The following CHIC1 variants were observed in gnomAD, a reference collection of about 807,000 sequenced individuals.
CHIC1 encodes the protein cysteine rich hydrophobic domain 1.
In CHIC1, 7 loss-of-function variants were observed where a neutral mutation model predicts 18.5. The ratio of observed to expected loss-of-function variants is 0.38; its 90% CI spans 0.22 to 0.71. The LOEUF (loss-of-function observed/expected upper bound fraction) is 0.71. Among genes scored for constraint, CHIC1 ranks in the 30% least tolerant of loss-of-function variants. The pLI, the probability that CHIC1 is intolerant of heterozygous loss-of-function variation, is 0.49. For synonymous variants in CHIC1, 77 were observed against 73.5 expected, an observed-to-expected ratio of 1.05 and a Z score of -0.25; for missense variants, 159 against 176.9, an observed-to-expected ratio of 0.90 and a Z score of 0.57.
At chrX:73,631,627 CA>C (rs59451523) in intron 3 of CHIC1, among the ~76,000 whole-genome samples, 5,022 of 96,683 alleles carry the variant, frequency 0.052, 317 homozygotes, top group African/African-American at 0.17. Context: ...GACTCCATCT[CA>C]AAAAAAAAAA....
In CHIC1 at chrX:73,670,564, C is replaced by T. The variant is rs750084505; in HGVS notation, c.508-8762C>T. On this transcript the variant is annotated intron_variant, in intron 3 of 5. Transcript: ENST00000373502. ...TGGTTGGTTCTTGCTTTTCTAGTTC[C>T]TTGAGGTGCATCATTATATTCTTTC... Among the ~76,000 whole-genome samples, 34 of 109,266 alleles carry T rather than the reference C, an allele frequency of 3.1e-4. No homozygotes were observed. In the East Asian group the frequency reaches 3.7e-3, roughly 12 times the overall value. The allele number at this position is 109,266 out of a possible 115,157, so 94.9% of individuals were successfully genotyped here.
chrX:73,644,140 CCT>C (rs1360018898), intron 3 of CHIC1, among the ~76,000 whole-genome samples: 1 of 112,295 alleles, frequency 8.9e-6, no homozygotes, highest in African/African-American at 3.2e-5. Flanking sequence ...CACTCCAGAC[CCT>C]GTTTGCCTGG....
chrX:73,606,420 G>A (rs777654411), intron 3 of CHIC1, among the ~76,000 whole-genome samples: 1 of 106,538 alleles, frequency 9.4e-6, no homozygotes, highest in African/African-American at 3.7e-5. Flanking sequence ...CATTGATTGG[G>A]TTAGAATATG....
At chrX:73,628,274 C>T (rs1470070963) in intron 3 of CHIC1, among the ~76,000 whole-genome samples, 1 of 111,789 alleles carries the variant, frequency 8.9e-6, no homozygotes, top group Admixed American at 9.4e-5. Context: ...GATACCAGCA[C>T]TCCCTTGACC....
At position 73,681,461 on chromosome X, in the gene CHIC1, A is replaced by AT. The variant is rs1356257797; in HGVS notation, c.*457dup. 8.8e-6 allele frequency: 1 copy of AT among 113,746 alleles called. No individual in the cohort carries two copies. Among genetic ancestry groups the AT allele is most frequent in the Non-Finnish European group, 1.8e-5 (1 of 54,222 alleles). 9.4% of individuals were successfully genotyped at this position (113,746 alleles called of 1,213,427 possible). On this transcript the variant is annotated 3_prime_UTR_variant, in exon 6 of 6. Coordinates refer to ENST00000373502, the MANE Select transcript of CHIC1 (RefSeq NM_001039840.4). ...TGGTTTTACTCTGCTTTTAAAGGAC[A>AT]TGCTTTTAAAGGACATGCAATTAAT...
intron 3 of CHIC1, among the ~76,000 whole-genome samples, chrX:73,644,938 C>T (rs1295786696): frequency 8.9e-6 from 1 of 112,404 alleles, no homozygotes; most frequent in East Asian, 2.8e-4. Context: ...GGCAGTGCCT[C>T]GCCCTGCTTC....
intron 3 of CHIC1, among the ~76,000 whole-genome samples, chrX:73,640,243 G>A (rs2057848980): frequency 9.0e-6 from 1 of 111,672 alleles, no homozygotes; most frequent in Admixed American, 9.5e-5. Flanking sequence ...TAACATGACA[G>A]GATATTGATT....
intron 3 of CHIC1, among the ~76,000 whole-genome samples, chrX:73,672,038 C>T (rs1321642010): frequency 3.6e-5 from 4 of 111,180 alleles, no homozygotes; most frequent in South Asian, 7.6e-4. Context: ...TTTCTCCTTG[C>T]GATAGTTTGC....
chrX:73,673,281 G>T (rs1485872367), intron 3 of CHIC1, among the ~76,000 whole-genome samples: 1 of 111,706 alleles, frequency 9.0e-6, no homozygotes, highest in Admixed American at 9.5e-5. Flanking sequence ...CCAATTCTGT[G>T]AAGAAAGTCC....
At chrX:73,648,686 C>T (rs918648383) in intron 3 of CHIC1, among the ~76,000 whole-genome samples, 10 of 111,043 alleles carry the variant, frequency 9.0e-5, no homozygotes, top group African/African-American at 1.3e-4. Context: ...TGAAAAGGAA[C>T]GAACAAAGCC....
At chrX:73,636,226 T>C (rs1228861608) in intron 3 of CHIC1, among the ~76,000 whole-genome samples, 1 of 111,961 alleles carries the variant, frequency 8.9e-6, no homozygotes, top group African/African-American at 3.2e-5. Flanking sequence ...TTATTTTCCA[T>C]TTATTTGTGT....
At chrX:73,677,726 G>A (rs1219876286) in intron 3 of CHIC1, among the ~76,000 whole-genome samples, 4 of 111,989 alleles carry the variant, frequency 3.6e-5, no homozygotes, top group East Asian at 5.7e-4. Flanking sequence ...GCTCGCACAC[G>A]GTGCGCTGCA....
intron 3 of CHIC1, among the ~76,000 whole-genome samples, chrX:73,672,854 G>A (rs1425753366): frequency 1.8e-5 from 2 of 111,740 alleles, no homozygotes; most frequent in Non-Finnish European, 3.8e-5. Context: ...CCTATGTCCT[G>A]AATGGTATTC....
intron 3 of CHIC1, among the ~76,000 whole-genome samples, chrX:73,673,396 C>A (rs1485298701): frequency 9.0e-6 from 1 of 111,719 alleles, no homozygotes; most frequent in African/African-American, 3.3e-5. Context: ...AATGTTCTTC[C>A]ATTTGTTTGT....
At chrX:73,639,843 C>T (rs753456084) in intron 3 of CHIC1, among the ~76,000 whole-genome samples, 135 of 111,232 alleles carry the variant, frequency 1.2e-3, no homozygotes, top group African/African-American at 4.2e-3. Context: ...ATGTTGTTAG[C>T]ATATAGGAAT....
rs1366526034 is a variant in CHIC1, at chrX:73,563,579, G to A, written c.295G>A (p.Val99Met). 2 of 1,074,028 alleles carry A rather than the reference G, an allele frequency of 1.9e-6. No individual in the cohort carries two copies. Among genetic ancestry groups the A allele is most frequent in the Admixed American group, 3.7e-5 (1 of 26,781 alleles). The allele number at this position is 1,074,028 out of a possible 1,213,427, so 88.5% of individuals were successfully genotyped here. Residue 99 changes from valine (V) to methionine (M), a missense_variant and splice_region_variant, in exon 1 of 6, where the codon GTG (valine) becomes ATG (methionine). Physicochemically the swap from Val to Met is conservative, Grantham distance 21. Coordinates refer to ENST00000373502, the MANE Select transcript of CHIC1 (RefSeq NM_001039840.4). Reference sequence around the variant, plus strand: ...AGTGCGGGGTGCCGGCCACATCACTGTGTAAGCGAGAGGGGGTCTTGGGAC... The same window carrying A: ...AGTGCGGGGTGCCGGCCACATCACTATGTAAGCGAGAGGGGGTCTTGGGAC... The part of the protein sequence containing the change: ...VLVRGAGHIT[V>M]FGLSNKFDTE...
chrX:73,592,586 G>A (rs67930419), intron 3 of CHIC1, among the ~76,000 whole-genome samples: 5,243 of 110,664 alleles, frequency 0.047, 319 homozygotes, highest in African/African-American at 0.16. Flanking sequence ...ATTTTTTGAT[G>A]TGCTGCTGGA....
intron 3 of CHIC1, among the ~76,000 whole-genome samples, chrX:73,608,636 T>C (rs1454650090): frequency 9.2e-6 from 1 of 108,394 alleles, no homozygotes; most frequent in Non-Finnish European, 1.9e-5. Flanking sequence ...CCTAAGTATT[T>C]TATTCATTTT....
chrX:73,642,285 T>C (rs1181607999), intron 3 of CHIC1, among the ~76,000 whole-genome samples: 3 of 111,493 alleles, frequency 2.7e-5, no homozygotes, highest in East Asian at 2.8e-4. Flanking sequence ...ATGAGCATTT[T>C]TTCATGTGTT....
Sources: gnomAD v4.1 joint callset for allele counts (sites outside exome capture counted in the v4.1 genomes callset) on GRCh38, gnomAD v4.1.1 for gene constraint, MANE v1.5 for transcripts, NCBI Gene and HGNC (gene_info 2026-07-23, HGNC 2026-07-21) for gene names.